The following PRL variants were observed in gnomAD, a reference collection of about 807,000 sequenced individuals.
PRL encodes the protein prolactin, also known as decidual prolactin.
A neutral mutation model predicts 21.3 loss-of-function variants in PRL; 24 were observed. The ratio of observed to expected loss-of-function variants is 1.13; its 90% CI spans 0.82 to 1.59. PRL has a LOEUF of 1.59. Ranked by LOEUF, PRL falls within the 40% of genes most tolerant of loss-of-function variation. PRL has a pLI of 0.00. For synonymous variants in PRL, 118 were observed against 115.7 expected (o/e 1.02, Z -0.13); for missense variants, 243 against 286.9 (o/e 0.85, Z 1.10).
At chr6:22,292,075 A>T (rs1357134526) in intron 3 of PRL, among the ~76,000 whole-genome samples, 1 of 152,198 alleles carries the variant, frequency 6.6e-6, no homozygotes, top group Admixed American at 6.5e-5. Flanking sequence ...CAGAAATAGA[A>T]CCAGAGTAGA....
chr6:22,292,571 G>T lies in PRL; in HGVS notation c.279C>A (p.Thr93=). 1 of 1,614,076 alleles carries T rather than the reference G, an allele frequency of 6.2e-7. No homozygotes were observed. Among genetic ancestry groups the T allele is most frequent in the Non-Finnish European group, 8.5e-7 (1 of 1,180,006 alleles). Residue 93 remains threonine (T), a synonymous_variant, in exon 3 of 5, where the codon ACC becomes ACA. Coordinates refer to ENST00000306482, the MANE Select transcript of PRL (RefSeq NM_000948.6). ...INSCHTSSLA[T]PEDKEQAQQM... ...GTTGGGCTTGCTCCTTGTCTTCGGG[G>T]GTGGCAAGGGAAGAAGTGTGGCAGC...
chr6:22,293,657 AGGAAGGAAGGAAGGAG>A (rs1761107284), intron 2 of PRL, among the ~76,000 whole-genome samples: 1 of 136,538 alleles, frequency 7.3e-6, no homozygotes, highest in African/African-American at 2.8e-5. Flanking sequence ...GAAGGAAGGA[AGGAAGGAAGGAAGGAG>A]GGAAGGAAGG....
In PRL at chr6:22,295,937, T is replaced by C. The variant is rs981026313; in HGVS notation, c.28+1018A>G. ...TTAGTGTAGGAAGTGACTAAATCTG[T>C]TAGTTGTAAAATAAAATTTTTGTTT... is the stretch of plus-strand genomic sequence containing the variant. On this transcript the variant is annotated intron_variant, in intron 1 of 4. Coordinates refer to ENST00000306482, the MANE Select transcript of PRL (RefSeq NM_000948.6). Among the ~76,000 whole-genome samples, 51 of 152,218 alleles carry C rather than the reference T, an allele frequency of 3.4e-4. 1 individual carries two copies. Among genetic ancestry groups the C allele is most frequent in the Admixed American group, 7.9e-4 (12 of 15,282 alleles).
Position 22,287,275 on chromosome 6 carries a change from GTTTTTA to G in PRL, c.*121_*126del. Reference sequence around the variant, plus strand: ...AGATTTTGATGTCTCTAAGGAGTCAGTTTTTATTTTTTAAGAGGAGACCTGTTACAC... The same window carrying G: ...AGATTTTGATGTCTCTAAGGAGTCAGTTTTTTAAGAGGAGACCTGTTACAC... On this transcript the variant is annotated 3_prime_UTR_variant, in exon 5 of 5. Transcript: ENST00000306482. 1 of 958,142 alleles carries G rather than the reference GTTTTTA, an allele frequency of 1.0e-6. No homozygotes were observed. The highest frequency in any genetic ancestry group is 2.8e-5 in the South Asian group (1 of 35,304). The allele number at this position is 958,142 out of a possible 1,614,324, so 59.4% of individuals were successfully genotyped here.
intron 1 of PRL, among the ~76,000 whole-genome samples, chr6:22,296,141 G>C (rs1480006208): frequency 6.6e-6 from 1 of 152,168 alleles, no homozygotes; most frequent in Non-Finnish European, 1.5e-5. Flanking sequence ...TTCACAACTG[G>C]ATAGATGTTC....
chr6:22,302,143 A>G (rs1272612344), upstream of PRL, among the ~76,000 whole-genome samples: 3 of 152,228 alleles, frequency 2.0e-5, no homozygotes, highest in Non-Finnish European at 4.4e-5. Context: ...GAGAATCAAT[A>G]GATATAGTCA....
Position 22,287,430 on chromosome 6 carries a change from C to T in PRL, c.656G>A (p.Cys219Tyr). 1 of 1,613,596 alleles carries T rather than the reference C, an allele frequency of 6.2e-7. No homozygotes were observed. The highest frequency in any genetic ancestry group is 8.5e-7 in the Non-Finnish European group (1 of 1,179,654). The change falls in exon 5 of 5, where the codon TGC becomes TAC. Residue 219 changes from cysteine (C) to tyrosine (Y), a missense_variant. Coordinates refer to ENST00000306482, the MANE Select transcript of PRL (RefSeq NM_000948.6). ...GCAGTTGTTGTTGTGGATGATTCGG[C>T]ACTTCAGGAGCTTGAGATAATTGTC... ...KIDNYLKLLKCRIIHNNNC is the reference protein window; with the variant it reads ...KIDNYLKLLKYRIIHNNNC
intron 4 of PRL, 99 bp downstream of exon 4, chr6:22,290,075 A>G: frequency 8.4e-7 from 1 of 1,184,766 alleles, no homozygotes; most frequent in Non-Finnish European, 1.1e-6. Flanking sequence ...ATAATATGGA[A>G]TGCCTAAATT....
rs6237 is a variant in PRL, at chr6:22,296,926, C to T, written c.28+29G>A. On this transcript the variant is annotated intron_variant, in intron 1 of 4. Coordinates refer to ENST00000306482, the MANE Select transcript of PRL (RefSeq NM_000948.6). The stretch of plus-strand genomic sequence containing the variant: ...TCCCCCCACAGGAGTGTTGATACAA[C>T]CAACAACGCAGTGAGTTGTCACACA... The T allele has an allele frequency of 1.5e-3, 2,423 of 1,608,620 alleles. 21 individuals are homozygous for T. The African/African-American group carries it at 0.026, about 17-fold the overall frequency.
chr6:22,301,472 A>T (rs966228478), upstream of PRL, among the ~76,000 whole-genome samples: 1 of 151,954 alleles, frequency 6.6e-6, no homozygotes, highest in Non-Finnish European at 1.5e-5. Flanking sequence ...GGGCTGGGGG[A>T]GTCTAGAGGA....
chr6:22,295,831 A>G (rs1166384166), intron 1 of PRL, among the ~76,000 whole-genome samples: 2 of 152,230 alleles, frequency 1.3e-5, no homozygotes, highest in Admixed American at 6.5e-5. Context: ...GAAATGCCCA[A>G]GATAAAACTA....
upstream of PRL, among the ~76,000 whole-genome samples, chr6:22,299,312 T>A (rs1761239741): frequency 6.6e-6 from 1 of 152,226 alleles, no homozygotes. Flanking sequence ...TTATGTCAAG[T>A]AGCTGAATAA....
chr6:22,287,847 A>G (rs1003375116), intron 4 of PRL, among the ~76,000 whole-genome samples: 1 of 152,212 alleles, frequency 6.6e-6, no homozygotes, highest in Admixed American at 6.5e-5. Context: ...GAGTAGACAG[A>G]TGAAGAACTG....
At position 22,290,204 on chromosome 6, in the gene PRL, A is replaced by G. The variant is rs149658134; in HGVS notation, c.462T>C (p.Leu154=). ...AVEIEEQTKR[L]LEGMELIVSQ... Reference sequence around the variant, plus strand: ...TGACTATCAGCTCCATGCCCTCTAGAAGCCGTTTGGTTTGCTCCTCAATCT... The same window carrying G: ...TGACTATCAGCTCCATGCCCTCTAGGAGCCGTTTGGTTTGCTCCTCAATCT... Residue 154 remains leucine (L), a synonymous_variant, in exon 4 of 5, where the codon CTT becomes CTC. Coordinates refer to ENST00000306482, the MANE Select transcript of PRL (RefSeq NM_000948.6). The G allele has an allele frequency of 1.4e-5, 23 of 1,603,222 alleles. No homozygotes were observed. In the African/African-American group the frequency reaches 2.9e-4, roughly 21 times the overall value.
At chr6:22,297,149 C>A (rs2113516976), upstream of PRL, 1 of 648,108 alleles carries the variant, frequency 1.5e-6, no homozygotes, top group Admixed American at 3.3e-5. Context: ...ATTGAGATTA[C>A]CCCCATAATT....
chr6:22,301,446 G>A (rs1395894736), upstream of PRL, among the ~76,000 whole-genome samples: 3 of 152,178 alleles, frequency 2.0e-5, no homozygotes, highest in Non-Finnish European at 4.4e-5. Flanking sequence ...AGACTGTAGG[G>A]GTTGACCTAT....
At chr6:22,301,864 T>C (rs1761287312), upstream of PRL, among the ~76,000 whole-genome samples, 1 of 152,090 alleles carries the variant, frequency 6.6e-6, no homozygotes, top group Admixed American at 6.5e-5. Flanking sequence ...AATGGACATA[T>C]AAATAAGAAT....
intron 3 of PRL, among the ~76,000 whole-genome samples, chr6:22,291,981 T>C (rs886766595): frequency 6.6e-6 from 1 of 152,124 alleles, no homozygotes; most frequent in African/African-American, 2.4e-5. Flanking sequence ...CTGTATTTTT[T>C]GTGAGGGGAG....
chr6:22,297,197 C>G, upstream of PRL: 1 of 581,102 alleles, frequency 1.7e-6, no homozygotes, highest in Non-Finnish European at 3.0e-6. Flanking sequence ...TATTCATATT[C>G]AGGAAGACAT....
Sources: allele counts gnomAD v4.1 joint callset (sites outside exome capture counted in the v4.1 genomes callset), GRCh38; gene constraint gnomAD v4.1.1; transcripts MANE v1.5; gene names NCBI Gene and HGNC (gene_info 2026-07-23, HGNC 2026-07-21).